The following INPP4B variants were observed in gnomAD, a reference collection of about 807,000 sequenced individuals.
The protein encoded by INPP4B is inositol polyphosphate-4-phosphatase type II B.
A neutral mutation model predicts 122.5 loss-of-function variants in INPP4B; 55 were observed. The observed-to-expected ratio is 0.45, with a 90% CI of 0.36 to 0.56. The LOEUF is 0.56. Ranked by LOEUF, INPP4B falls within the 20% of genes least tolerant of loss-of-function variation. The pLI is 0.00. For missense variants in INPP4B, 1,000 were observed against 1,097.7 expected (o/e 0.91, Z 1.26); for synonymous variants, 403 against 388.7 (o/e 1.04, Z -0.43).
At chr4:142,763,293 C>G (rs1177267974) in intron 1 of INPP4B, among the ~76,000 whole-genome samples, 1 of 152,154 alleles carries the variant, frequency 6.6e-6, no homozygotes, top group Non-Finnish European at 1.5e-5. Flanking sequence ...AACTTGTTAA[C>G]ACTAACAGAA....
chr4:142,198,934 T>G (rs1311960378), intron 14 of INPP4B, among the ~76,000 whole-genome samples: 2 of 152,042 alleles, frequency 1.3e-5, no homozygotes, highest in Non-Finnish European at 2.9e-5. Context: ...ATTTCGTACT[T>G]AGGCCTAGTT....
At chr4:142,240,269 T>C (rs370456047) in intron 11 of INPP4B, among the ~76,000 whole-genome samples, 1 of 151,936 alleles carries the variant, frequency 6.6e-6, no homozygotes, top group Non-Finnish European at 1.5e-5. Context: ...TCCAAACTCC[T>C]GGGCTCAAGC....
intron 1 of INPP4B, among the ~76,000 whole-genome samples, chr4:142,821,928 G>C (rs1227197159): frequency 6.6e-6 from 1 of 152,144 alleles, no homozygotes; most frequent in Non-Finnish European, 1.5e-5. Flanking sequence ...GCAGTATTTT[G>C]TGGAAGAAAA....
chr4:142,651,436 G>C (rs1438396359), intron 2 of INPP4B, among the ~76,000 whole-genome samples: 1 of 152,044 alleles, frequency 6.6e-6, no homozygotes, highest in East Asian at 1.9e-4. Context: ...CCAGGAGCTG[G>C]ATTTTTGAAA....
chr4:142,626,534 CAAT>C (rs1746449380), intron 2 of INPP4B, among the ~76,000 whole-genome samples: 1 of 151,974 alleles, frequency 6.6e-6, no homozygotes, highest in Non-Finnish European at 1.5e-5. Flanking sequence ...ATTCTGCCAA[CAAT>C]GATGTGAACT....
At chr4:142,616,498 T>C (rs1275236562) in intron 2 of INPP4B, among the ~76,000 whole-genome samples, 1 of 152,156 alleles carries the variant, frequency 6.6e-6, no homozygotes, top group African/African-American at 2.4e-5. Context: ...ATTTTTAAGG[T>C]GCTTAGCATG....
At chr4:142,231,041 T>C (rs1854106881) in intron 12 of INPP4B, among the ~76,000 whole-genome samples, 1 of 152,222 alleles carries the variant, frequency 6.6e-6, no homozygotes, top group Admixed American at 6.5e-5. Flanking sequence ...CTTAAGCCAA[T>C]TGAAGGGAGC....
At chr4:142,567,827 G>A (rs13110257) in intron 2 of INPP4B, among the ~76,000 whole-genome samples, 5,171 of 151,924 alleles carry the variant, frequency 0.034, 113 homozygotes, top group South Asian at 0.05. Flanking sequence ...ATTTACTTAC[G>A]CTCCTGTAAA....
At chr4:142,175,933 G>A (rs1430032310) in intron 15 of INPP4B, among the ~76,000 whole-genome samples, 2 of 151,976 alleles carry the variant, frequency 1.3e-5, no homozygotes, top group African/African-American at 4.8e-5. Context: ...CAGACCCAAT[G>A]CAGAGTCATG....
intron 1 of INPP4B, among the ~76,000 whole-genome samples, chr4:142,830,522 A>G (rs1232389769): frequency 2.6e-5 from 4 of 152,068 alleles, no homozygotes; most frequent in African/African-American, 9.7e-5. Context: ...GTGGAGAGGG[A>G]GTCTTAATCT....
intron 2 of INPP4B, among the ~76,000 whole-genome samples, chr4:142,712,071 A>G (rs1024372745): frequency 1.3e-5 from 2 of 152,144 alleles, no homozygotes; most frequent in African/African-American, 4.8e-5. Flanking sequence ...ATAAATAAAT[A>G]AAAGAGATCC....
chr4:142,680,612 C>T (rs1758481764), intron 2 of INPP4B, among the ~76,000 whole-genome samples: 1 of 151,872 alleles, frequency 6.6e-6, no homozygotes, highest in African/African-American at 2.4e-5. Context: ...AATGAGTTAC[C>T]TGCATGCTAT....
intron 10 of INPP4B, among the ~76,000 whole-genome samples, chr4:142,262,288 C>T (rs968715879): frequency 6.6e-6 from 1 of 152,264 alleles, no homozygotes; most frequent in South Asian, 2.1e-4. Flanking sequence ...CAGCCCTCAA[C>T]TCCAACCACT....
At chr4:142,667,769 C>T (rs17016550) in intron 2 of INPP4B, among the ~76,000 whole-genome samples, 6,762 of 152,096 alleles carry the variant, frequency 0.044, 511 homozygotes, top group African/African-American at 0.15. Context: ...AGAAGGAGGC[C>T]TCACAGTAGA....
chr4:142,751,157 G>T (rs530446876), intron 1 of INPP4B, among the ~76,000 whole-genome samples: 2 of 151,982 alleles, frequency 1.3e-5, no homozygotes, highest in South Asian at 4.2e-4. Context: ...AGAACTATGT[G>T]AAGGTAGGGG....
At chr4:142,029,315 C>T in intron 25 of INPP4B, 1 of 984,834 alleles carries the variant, frequency 1.0e-6, no homozygotes, top group Non-Finnish European at 1.2e-6. Context: ...AGAAATAAGG[C>T]ATTTAATTTA....
Position 142,305,408 on chromosome 4 carries a change from T to C in INPP4B, c.503+50A>G, listed in dbSNP as rs77032729. On this transcript the variant is annotated intron_variant, in intron 9 of 25. Transcript: ENST00000262992. ...TTCAAACACACTGGCCATCAATAAA[T>C]ATCACTTGTTATTAACTTTAACAGT... The C allele has an allele frequency of 1.0e-3, 1,420 of 1,372,928 alleles. 21 individuals are homozygous for C. In the African/African-American group the frequency reaches 0.018, roughly 18 times the overall value. 85.0% of individuals were successfully genotyped at this position (1,372,928 alleles called of 1,614,324 possible). A position where few individuals can be genotyped will look rare whatever the true frequency, so the allele number is the denominator to read the frequency against.
chr4:142,597,552 CCT>C (rs749731551), intron 2 of INPP4B, among the ~76,000 whole-genome samples: 14 of 152,086 alleles, frequency 9.2e-5, no homozygotes, highest in Non-Finnish European at 1.8e-4. Flanking sequence ...TAGAAAATCC[CCT>C]CTTAGGTAGG....
At chr4:142,270,827 A>G (rs2150570876) in intron 9 of INPP4B, 53 bp from the exon 10 acceptor site, 1 of 1,141,492 alleles carries the variant, frequency 8.8e-7, no homozygotes, top group Non-Finnish European at 1.3e-6. Flanking sequence ...CTCTCCCCCA[A>G]AAATATCCAA....
Sources: allele counts gnomAD v4.1 joint callset (sites outside exome capture counted in the v4.1 genomes callset), GRCh38; gene constraint gnomAD v4.1.1; transcripts MANE v1.5; gene names NCBI Gene and HGNC (gene_info 2026-07-23, HGNC 2026-07-21).